The following UFL1 variants were observed in gnomAD, a reference collection of about 807,000 sequenced individuals.
UFL1 encodes UFM1 specific ligase 1.
In UFL1, 78 loss-of-function variants were observed where a neutral mutation model predicts 99.3. The ratio of observed to expected loss-of-function variants is 0.79; its 90% CI spans 0.65 to 0.95. UFL1 has a LOEUF of 0.95. Ranked by LOEUF, UFL1 falls within the 40% of genes least tolerant of loss-of-function variation. UFL1 has a pLI of 0.00. For synonymous variants in UFL1, 335 were observed against 322.2 expected (o/e 1.04, Z -0.42); for missense variants, 936 against 937.0 (o/e 1.00, Z 0.01).
rs745663445 is a variant in UFL1 at position 96,540,638 on chromosome 6, G to C, written c.1262G>C (p.Arg421Pro). The C allele has an allele frequency of 5.6e-6, 9 of 1,598,246 alleles. No homozygotes were observed. The highest frequency in any genetic ancestry group is 2.3e-5 in the East Asian group (1 of 44,410). Residue 421 changes from arginine to proline, a missense_variant, in exon 11 of 19, where the codon CGA becomes CCA. Arg to Pro is a moderately radical substitution (Grantham distance 103). Coordinates refer to ENST00000369278, the MANE Select transcript of UFL1 (RefSeq NM_015323.5). ...AGTAAAAAGGATAAAAAAGATGAGC[G>C]AAGAAGGAAAGCAACAGGTAATAAA... ...STSKKDKKDE[R>P]RRKATEGSGS...
At chr6:96,550,982 A>G (rs1280594753) in intron 15 of UFL1, among the ~76,000 whole-genome samples, 1 of 151,990 alleles carries the variant, frequency 6.6e-6, no homozygotes, top group African/African-American at 2.4e-5. Context: ...ACTTACATGT[A>G]GAGAGAGGTG....
rs535293904 is a variant in UFL1, at chr6:96,544,183, A to T, written c.1402+1167A>T. Among the ~76,000 whole-genome samples, 43 of 151,188 alleles carry T rather than the reference A, an allele frequency of 2.8e-4. No individual in the cohort carries two copies. The South Asian group carries it at 8.5e-3, about 30-fold the overall frequency. On this transcript the variant is annotated intron_variant, in intron 12 of 18. Coordinates refer to ENST00000369278, the MANE Select transcript of UFL1 (RefSeq NM_015323.5). ...AATTTTATGTACATTTTACTTTCAT[A>T]GTAACACCTAACTGGTTGGTTGCTT... is the stretch of plus-strand genomic sequence containing the variant.
rs1294809754 is a variant in UFL1 at position 96,523,186 on chromosome 6, A to G, written c.118A>G (p.Ile40Val). ...CTGCATTGAGATTGTTAATAAATTG[A>G]TTGCTCAGAAACAGCTAGAAGTAGT... ...RNCIEIVNKLIAQKQLEVVHT... is the reference protein window; with the variant it reads ...RNCIEIVNKLVAQKQLEVVHT... Residue 40 changes from isoleucine to valine, a missense_variant, in exon 2 of 19, where the codon ATT (isoleucine) becomes GTT (valine). Physicochemically the swap from Ile to Val is conservative, Grantham distance 29. Transcript: ENST00000369278. The G allele has an allele frequency of 6.2e-7, 1 of 1,612,640 alleles. No homozygotes were observed. The highest frequency in any genetic ancestry group is 8.5e-7 in the Non-Finnish European group (1 of 1,179,410).
chr6:96,553,570 A>T lies in UFL1; in HGVS notation c.*67A>T. 1 of 1,424,968 alleles carries T rather than the reference A, an allele frequency of 7.0e-7. No individual in the cohort carries two copies. The highest frequency in any genetic ancestry group is 9.6e-7 in the Non-Finnish European group (1 of 1,040,904). The allele number at this position is 1,424,968 out of a possible 1,614,324, so 88.3% of individuals were successfully genotyped here. On this transcript the variant is annotated 3_prime_UTR_variant, in exon 19 of 19. Transcript: ENST00000369278. The stretch of plus-strand genomic sequence containing the variant: ...CAAGGTTGAAGGTGAGTGGTCACAA[A>T]AAAGTAGTCACTATACAACTCCCCT...
rs1562250331 is a variant in UFL1, at chr6:96,525,362, T to C, written c.318T>C (p.His106=). 1 of 1,611,446 alleles carries C rather than the reference T, an allele frequency of 6.2e-7. No homozygotes were observed. The highest frequency in any genetic ancestry group is 1.1e-5 in the South Asian group (1 of 90,456). Residue 106 remains histidine, a synonymous_variant, in exon 4 of 19, where the codon CAT becomes CAC. Coordinates refer to ENST00000369278, the MANE Select transcript of UFL1 (RefSeq NM_015323.5). ...RIGDIIKSEK[H]VQLVLGQLID... is the part of the protein sequence containing the mutation. Reference sequence around the variant, plus strand: ...GTGACATTATTAAATCAGAAAAGCATGTTCAGTTAGTGTTGGGACAACTGA... The same window carrying C: ...GTGACATTATTAAATCAGAAAAGCACGTTCAGTTAGTGTTGGGACAACTGA...
intron 6 of UFL1, among the ~76,000 whole-genome samples, chr6:96,531,720 A>C (rs1769785042): frequency 6.6e-6 from 1 of 152,204 alleles, no homozygotes; most frequent in Non-Finnish European, 1.5e-5. Context: ...CCTATTTATA[A>C]ATATTTACCT....
At chr6:96,540,192 C>A (rs1332377935) in intron 10 of UFL1, among the ~76,000 whole-genome samples, 1 of 151,278 alleles carries the variant, frequency 6.6e-6, no homozygotes, top group Non-Finnish European at 1.5e-5. Context: ...TTGGGAGTCT[C>A]AAAAAGCGAA....
chr6:96,531,123 A>C (rs1562251919), intron 6 of UFL1, among the ~76,000 whole-genome samples: 1 of 152,238 alleles, frequency 6.6e-6, no homozygotes, highest in Admixed American at 6.5e-5. Context: ...TGATGATCTG[A>C]GATGGAACAG....
Position 96,551,418 on chromosome 6 carries a change from C to G in UFL1, c.1819-15C>G. 7.2e-7 allele frequency: 1 copy of G among 1,395,996 alleles called. No individual in the cohort carries two copies. Among genetic ancestry groups the G allele is most frequent in the Non-Finnish European group, 9.8e-7 (1 of 1,018,010 alleles). 86.5% of individuals were successfully genotyped at this position (1,395,996 alleles called of 1,614,324 possible). On this transcript the variant is annotated splice_polypyrimidine_tract_variant and intron_variant, in intron 15 of 18. Transcript: ENST00000369278. The stretch of plus-strand genomic sequence containing the variant: ...AAAAGCACAGTACTGAATGAATTTT[C>G]ATTTACCCCTACAGATAAGAAAGAA...
intron 4 of UFL1, among the ~76,000 whole-genome samples, chr6:96,525,759 G>A (rs990853720): frequency 1.3e-5 from 2 of 148,978 alleles, no homozygotes; most frequent in South Asian, 4.2e-4. Flanking sequence ...TTCTTAATAA[G>A]AAAACGTAAA....
intron 6 of UFL1, 94 bp downstream of exon 6, chr6:96,528,726 A>G (rs1769738164): frequency 2.1e-6 from 3 of 1,419,662 alleles, no homozygotes; most frequent in African/African-American, 2.9e-5. Context: ...TTGTTTTAAT[A>G]AAGTCTCATT....
intron 13 of UFL1, among the ~76,000 whole-genome samples, chr6:96,548,580 A>G (rs1240716180): frequency 6.6e-6 from 1 of 151,634 alleles, no homozygotes. Flanking sequence ...ACCGGCATTA[A>G]CCACTGGCTG....
intron 6 of UFL1, 83 bp downstream of exon 6, chr6:96,528,715 T>C (rs1769738041): frequency 6.9e-7 from 1 of 1,445,766 alleles, no homozygotes; most frequent in Admixed American, 2.4e-5. Flanking sequence ...AATCTTTTTC[T>C]TTGTTTTAAT....
chr6:96,523,419 T>C, intron 2 of UFL1, 128 bp downstream of exon 2: 1 of 1,057,738 alleles, frequency 9.5e-7, no homozygotes, highest in East Asian at 2.6e-5. Context: ...CAATTGTTAA[T>C]TTGATAATCA....
chr6:96,525,358 A>C lies in UFL1; in HGVS notation c.314A>C (p.Lys105Thr). 6.2e-7 allele frequency: 1 copy of C among 1,610,936 alleles called. No homozygotes were observed. The highest frequency in any genetic ancestry group is 8.5e-7 in the Non-Finnish European group (1 of 1,178,808). The change falls in exon 4 of 19, where the codon AAG (lysine) becomes ACG (threonine). Residue 105 changes from lysine to threonine, a missense_variant. Lys to Thr is a moderately conservative substitution (Grantham distance 78). Transcript: ENST00000369278. ...ATTGGTGACATTATTAAATCAGAAAAGCATGTTCAGTTAGTGTTGGGACAA... is the reference window on the plus strand; with the variant it reads ...ATTGGTGACATTATTAAATCAGAAACGCATGTTCAGTTAGTGTTGGGACAA... ...NRIGDIIKSE[K>T]HVQLVLGQLI...
chr6:96,526,290 T>C (rs1380675358), intron 4 of UFL1, 31 bp from the exon 5 acceptor site: 3 of 1,537,232 alleles, frequency 2.0e-6, no homozygotes, highest in African/African-American at 1.4e-5. Flanking sequence ...CCTAATTCTT[T>C]TTTCTATTAT....
chr6:96,546,878 C>T (rs949147268), intron 12 of UFL1, among the ~76,000 whole-genome samples: 1 of 151,422 alleles, frequency 6.6e-6, no homozygotes, highest in East Asian at 1.9e-4. Context: ...AGACATGAAA[C>T]TGTAAAAATC....
chr6:96,526,427 C>G lies in UFL1; in HGVS notation c.457C>G (p.Leu153Val), dbSNP rs1312873468. Residue 153 changes from leucine to valine, a missense_variant, in exon 5 of 19, where the codon CTG (leucine) becomes GTG (valine). Transcript: ENST00000369278. Reference sequence around the variant, plus strand: ...AACTTATGATCTTCCTGGGAACTTTCTGACACAGGTATTTTTTTTCCTAAT... The same window carrying G: ...AACTTATGATCTTCCTGGGAACTTTGTGACACAGGTATTTTTTTTCCTAAT... ...CKTYDLPGNF[L>V]TQALTQRLGR... is the part of the protein sequence containing the mutation. 6.2e-7 allele frequency: 1 copy of G among 1,609,760 alleles called. No individual in the cohort carries two copies. Among genetic ancestry groups the G allele is most frequent in the South Asian group, 1.1e-5 (1 of 89,774 alleles).
At chr6:96,524,508 G>A in intron 3 of UFL1, 98 bp downstream of exon 3, 2 of 918,022 alleles carry the variant, frequency 2.2e-6, no homozygotes, top group East Asian at 5.9e-5. Context: ...CATATTTTGT[G>A]TAGTGTTTAT....
Sources: allele counts gnomAD v4.1 joint callset (sites outside exome capture counted in the v4.1 genomes callset), GRCh38; gene constraint gnomAD v4.1.1; transcripts MANE v1.5; gene names NCBI Gene and HGNC (gene_info 2026-07-23, HGNC 2026-07-21).